SATB2: variants seen among roughly 807,000 people sequenced by gnomAD.
The protein encoded by SATB2 is SATB homeobox 2, also known as DNA-binding protein SATB2.
SATB2 carries 1 observed loss-of-function variant against 73.4 expected under a neutral mutation model. The ratio of observed to expected loss-of-function variants is 0.01; its 90% CI spans 0.00 to 0.06. The LOEUF (loss-of-function observed/expected upper bound fraction) is 0.06, where lower values mean the gene tolerates loss of function less well. SATB2 is among the 10% of genes least tolerant of loss of function. SATB2 has a pLI of 1.00. For missense variants in SATB2, 459 were observed against 945.8 expected (o/e 0.49, Z 6.75); for synonymous variants, 397 against 367.0 (o/e 1.08, Z -0.93).
intron 5 of SATB2, among the ~76,000 whole-genome samples, chr2:199,379,821 C>A (rs886740322): frequency 6.6e-6 from 1 of 150,770 alleles, no homozygotes; most frequent in Non-Finnish European, 1.5e-5. Flanking sequence ...AGCCACCATG[C>A]CTGGCCCGTA....
Position 199,272,060 on chromosome 2 carries a change from G to T in SATB2, c.*151C>A. ...GTGCAACAAAGAAATGTCCAAAAGG[G>T]TAAGAAAAACAAAACAGACATAAAA... On this transcript the variant is annotated 3_prime_UTR_variant, in exon 11 of 11. Transcript: ENST00000417098. The surrounding 1 kb of genome is among the most constrained non-coding windows in gnomAD (Gnocchi z 6.7). 1.4e-6 allele frequency: 1 copy of T among 739,022 alleles called. No homozygotes were observed. The highest frequency in any genetic ancestry group is 2.3e-6 in the Non-Finnish European group (1 of 426,808). The allele number at this position is 739,022 out of a possible 1,614,324, so 45.8% of individuals were successfully genotyped here. A position where few individuals can be genotyped will look rare whatever the true frequency, so the allele number is the denominator to read the frequency against.
intron 6 of SATB2, among the ~76,000 whole-genome samples, chr2:199,366,639 CACAG>C (rs1689292496): frequency 6.6e-6 from 1 of 152,020 alleles, no homozygotes; most frequent in South Asian, 2.1e-4. Flanking sequence ...CTGACACACA[CACAG>C]ACACACACAC....
At chr2:199,295,001 T>C (rs75558764) in intron 10 of SATB2, among the ~76,000 whole-genome samples, 4,101 of 152,286 alleles carry the variant, frequency 0.027, 190 homozygotes, top group African/African-American at 0.095. Flanking sequence ...TCAAATATCT[T>C]GGGTGTTTGG....
At chr2:199,452,024 GTTTT>G (rs1197602392) in intron 2 of SATB2, among the ~76,000 whole-genome samples, 2 of 151,830 alleles carry the variant, frequency 1.3e-5, no homozygotes, top group Non-Finnish European at 2.9e-5. Context: ...AAATAAGCAA[GTTTT>G]TTTAATAAAA....
chr2:199,435,386 T>G (rs535532950), intron 2 of SATB2, among the ~76,000 whole-genome samples: 1 of 152,124 alleles, frequency 6.6e-6, no homozygotes, highest in South Asian at 2.1e-4. Context: ...CTCGCTCTTG[T>G]TGCCCAGGCT....
chr2:199,413,818 G>T (rs1359571769), intron 3 of SATB2, among the ~76,000 whole-genome samples: 1 of 152,090 alleles, frequency 6.6e-6, no homozygotes, highest in Non-Finnish European at 1.5e-5. Flanking sequence ...TCTAAGAGAT[G>T]CCAGAAGATA....
At position 199,433,465 on chromosome 2, in the gene SATB2, A is replaced by G; in HGVS notation, c.219T>C (p.Leu73=). The G allele has an allele frequency of 1.9e-6, 3 of 1,614,164 alleles. No individual in the cohort carries two copies. The highest frequency in any genetic ancestry group is 2.5e-6 in the Non-Finnish European group (3 of 1,180,018). Residue 73 remains leucine, a synonymous_variant, in exon 3 of 11, where the codon CTT becomes CTC. Coordinates refer to ENST00000417098, the MANE Select transcript of SATB2 (RefSeq NM_001172509.2). ...FCVVEQLDGS[L]EYDNREEHAE... ...CGTGTTCTTCTCTGTTGTCATATTCAAGAGAGCCGTCCAACTGCTCCACGA... is the reference window on the plus strand; with the variant it reads ...CGTGTTCTTCTCTGTTGTCATATTCGAGAGAGCCGTCCAACTGCTCCACGA...
At chr2:199,391,619 T>C (rs1269492105) in intron 3 of SATB2, among the ~76,000 whole-genome samples, 1 of 152,164 alleles carries the variant, frequency 6.6e-6, no homozygotes, top group Non-Finnish European at 1.5e-5. Flanking sequence ...GGAAATGTCA[T>C]ATTTAAAGGC....
intron 3 of SATB2, among the ~76,000 whole-genome samples, chr2:199,395,473 G>T (rs1690271890): frequency 1.3e-5 from 2 of 151,966 alleles, no homozygotes; most frequent in South Asian, 4.2e-4. Flanking sequence ...TCAGTTTGTG[G>T]TTCTTGCACA....
intron 7 of SATB2, among the ~76,000 whole-genome samples, chr2:199,342,586 G>A (rs1688538649): frequency 6.6e-6 from 1 of 152,208 alleles, no homozygotes; most frequent in South Asian, 2.1e-4. Flanking sequence ...CCATATCCTG[G>A]CATTGCATGA....
At chr2:199,422,852 A>G (rs1691212780) in intron 3 of SATB2, among the ~76,000 whole-genome samples, 1 of 152,186 alleles carries the variant, frequency 6.6e-6, no homozygotes, top group Non-Finnish European at 1.5e-5. Context: ...TTATAGCCAT[A>G]ATATGTCTAT....
intron 10 of SATB2, among the ~76,000 whole-genome samples, chr2:199,290,034 C>A (rs1216431340): frequency 6.6e-6 from 1 of 152,190 alleles, no homozygotes; most frequent in Admixed American, 6.5e-5. Flanking sequence ...TACAAGAAGG[C>A]CCCGTAACCT....
intron 3 of SATB2, among the ~76,000 whole-genome samples, chr2:199,405,167 T>C (rs998493975): frequency 6.6e-6 from 1 of 152,174 alleles, no homozygotes; most frequent in African/African-American, 2.4e-5. Flanking sequence ...GGCTAAGAGA[T>C]AGGTGTGAGC....
In SATB2 at chr2:199,371,549, C is replaced by T. The variant is rs75850524; in HGVS notation, c.598-2842G>A. On this transcript the variant is annotated intron_variant, in intron 5 of 10. Transcript: ENST00000417098. ...ATAGCATCTTAAACCTGATAAGATA[C>T]AGTTGATGCAGAATGGGATGAGTAA... 4.4e-3 allele frequency among the ~76,000 whole-genome samples: 665 copies of T among 152,146 alleles called. 16 individuals are homozygous for T. In the East Asian group the frequency reaches 0.069, roughly 16 times the overall value.
intron 2 of SATB2, among the ~76,000 whole-genome samples, chr2:199,436,039 T>C (rs1474978684): frequency 6.6e-6 from 1 of 152,128 alleles, no homozygotes; most frequent in Non-Finnish European, 1.5e-5. Context: ...ATGCTGAAAA[T>C]CCATGTGCAG....
chr2:199,334,849 C>G (rs1396171171), intron 7 of SATB2, among the ~76,000 whole-genome samples: 2 of 151,992 alleles, frequency 1.3e-5, no homozygotes, highest in African/African-American at 2.4e-5. Flanking sequence ...GAAAGCTGAC[C>G]CAACAAAATC....
chr2:199,429,123 G>GA (rs1192986929), intron 3 of SATB2, among the ~76,000 whole-genome samples: 1 of 151,546 alleles, frequency 6.6e-6, no homozygotes, highest in Non-Finnish European at 1.5e-5. Flanking sequence ...ATCTTCCACT[G>GA]AAAAAACAGA....
At chr2:199,417,593 A>G (rs1411897183) in intron 3 of SATB2, among the ~76,000 whole-genome samples, 3 of 152,238 alleles carry the variant, frequency 2.0e-5, no homozygotes, top group African/African-American at 7.2e-5. Flanking sequence ...CTTTAAGAAG[A>G]AAAACCAAGG....
intron 3 of SATB2, among the ~76,000 whole-genome samples, chr2:199,419,326 A>C (rs750404124): frequency 6.6e-6 from 1 of 152,190 alleles, no homozygotes; most frequent in Non-Finnish European, 1.5e-5. Flanking sequence ...AGAAGTCAAC[A>C]CATATCTTCC....
Sources: gnomAD v4.1 joint callset for allele counts (sites outside exome capture counted in the v4.1 genomes callset) on GRCh38, gnomAD v4.1.1 for gene constraint, Gnocchi (gnomAD v3.1) non-coding constraint, MANE v1.5 for transcripts, NCBI Gene and HGNC (gene_info 2026-07-23, HGNC 2026-07-21) for gene names.